Variants in SERGEF observed in about 807,000 individuals in gnomAD.
The protein encoded by SERGEF is secretion regulating guanine nucleotide exchange factor, also known as secretion-regulating guanine nucleotide exchange factor.
Under a neutral mutation model 50.0 loss-of-function variants are expected in SERGEF, and 51 were observed. The observed-to-expected ratio is 1.02, with a 90% CI of 0.81 to 1.29. The LOEUF is 1.29. Among genes scored for constraint, SERGEF ranks in the 50% most tolerant of loss-of-function variants. The pLI, the probability that SERGEF is intolerant of heterozygous loss-of-function variation, is 0.00. For synonymous variants in SERGEF, 205 were observed against 212.4 expected (o/e 0.97, Z 0.30); for missense variants, 521 against 557.0 (o/e 0.94, Z 0.65).
At chr11:17,927,815 T>C (rs892977355) in intron 9 of SERGEF, among the ~76,000 whole-genome samples, 4 of 152,210 alleles carry the variant, frequency 2.6e-5, no homozygotes, top group African/African-American at 9.6e-5. Flanking sequence ...TGCACACACA[T>C]TGAAATTTGA....
rs2237922 is a variant in SERGEF, at chr11:17,915,909, G to A, written c.1012-37665C>T. Among the ~76,000 whole-genome samples, 1,227 of 152,370 alleles carry A rather than the reference G, an allele frequency of 8.1e-3. 92 individuals are homozygous for A. In the East Asian group the frequency reaches 0.18, roughly 22 times the overall value. The stretch of plus-strand genomic sequence containing the variant: ...AGCCAGTGGCTGGAAAACCAGGGAG[G>A]AGCTAAAGAGTCTGGCCAGGTGAGG... On this transcript the variant is annotated intron_variant, in intron 9 of 10. Coordinates refer to ENST00000265965, the MANE Select transcript of SERGEF (RefSeq NM_012139.4).
intron 10 of SERGEF, among the ~76,000 whole-genome samples, chr11:17,827,330 G>A (rs868818829): frequency 6.6e-6 from 1 of 152,168 alleles, no homozygotes; most frequent in Non-Finnish European, 1.5e-5. Context: ...TGGCTGGGGA[G>A]GGAGCCATCA....
At chr11:17,788,517 G>C (rs1207811383) in intron 10 of SERGEF, 104 bp from the exon 11 acceptor site, 2 of 971,328 alleles carry the variant, frequency 2.1e-6, no homozygotes, top group Non-Finnish European at 2.9e-6. Flanking sequence ...GTTCACTCAG[G>C]AAGACGCCAA....
Position 17,884,136 on chromosome 11 carries a change from G to A in SERGEF, c.1012-5892C>T, listed in dbSNP as rs1264631973. The stretch of plus-strand genomic sequence containing the variant: ...ACCCAGGGTGCCAGATGGACAGCGA[G>A]GCCTGCTGATTGGTTCTCGCCGGGT... On this transcript the variant is annotated intron_variant, in intron 9 of 10. Coordinates refer to ENST00000265965, the MANE Select transcript of SERGEF (RefSeq NM_012139.4). This position sits in a 1 kb window ranked among gnomAD's most constrained non-coding sequence, Gnocchi z 4.6. Among the ~76,000 whole-genome samples the A allele has an allele frequency of 1.3e-5, 2 of 152,216 alleles. No homozygotes were observed. The highest frequency in any genetic ancestry group is 2.9e-5 in the Non-Finnish European group (2 of 68,040).
Position 17,788,213 on chromosome 11 carries a change from G to C in SERGEF, c.1249C>G (p.Leu417Val). The C allele has an allele frequency of 6.2e-7, 1 of 1,611,312 alleles. No individual in the cohort carries two copies. Among genetic ancestry groups the C allele is most frequent in the Non-Finnish European group, 8.5e-7 (1 of 1,177,712 alleles). The change falls in exon 11 of 11, where the codon CTT becomes GTT. Residue 417 changes from leucine (L) to valine (V), a missense_variant. Coordinates refer to ENST00000265965, the MANE Select transcript of SERGEF (RefSeq NM_012139.4). Reference sequence around the variant, plus strand: ...GTGTCCTCGATGGCATCTGGGGAAAGGTAGGTGACCTTGGGGTCCTGGACC... The same window carrying C: ...GTGTCCTCGATGGCATCTGGGGAAACGTAGGTGACCTTGGGGTCCTGGACC... ...ALVQDPKVTY[L>V]SPDAIEDTES...
chr11:17,847,530 A>G (rs184092523), intron 10 of SERGEF, among the ~76,000 whole-genome samples: 342 of 152,340 alleles, frequency 2.2e-3, no homozygotes, highest in Non-Finnish European at 3.9e-3. Flanking sequence ...ACCTTAAAGT[A>G]TGATTGTATA....
At chr11:17,791,198 C>A (rs1414259847) in intron 10 of SERGEF, among the ~76,000 whole-genome samples, 1 of 152,156 alleles carries the variant, frequency 6.6e-6, no homozygotes, top group Non-Finnish European at 1.5e-5. Flanking sequence ...TCCAATTTGT[C>A]ATTATTTTAT....
At chr11:17,836,420 T>C (rs1850398772) in intron 10 of SERGEF, among the ~76,000 whole-genome samples, 1 of 152,192 alleles carries the variant, frequency 6.6e-6, no homozygotes, top group Admixed American at 6.5e-5. Flanking sequence ...CATGAGAATA[T>C]TTCTGAGGCT....
intron 8 of SERGEF, among the ~76,000 whole-genome samples, chr11:17,976,012 C>T (rs1421821426): frequency 6.6e-6 from 1 of 152,192 alleles, no homozygotes; most frequent in South Asian, 2.1e-4. Flanking sequence ...ATATAAGACA[C>T]CCCTGTGAAG....
intron 10 of SERGEF, among the ~76,000 whole-genome samples, chr11:17,795,968 G>T (rs1249379122): frequency 1.3e-5 from 2 of 152,176 alleles, no homozygotes; most frequent in Non-Finnish European, 2.9e-5. Context: ...GCCCCCTTCA[G>T]ACTAGGATCC....
chr11:17,839,761 T>C (rs1246892599), intron 10 of SERGEF, among the ~76,000 whole-genome samples: 1 of 152,074 alleles, frequency 6.6e-6, no homozygotes, highest in Non-Finnish European at 1.5e-5. Context: ...CCACCTCACA[T>C]CCTGAGGTGT....
intron 10 of SERGEF, among the ~76,000 whole-genome samples, chr11:17,867,678 A>G (rs1851057890): frequency 6.6e-6 from 1 of 152,238 alleles, no homozygotes; most frequent in Non-Finnish European, 1.5e-5. Flanking sequence ...CTGCTCTAGC[A>G]GAAGTTCTCC....
intron 9 of SERGEF, among the ~76,000 whole-genome samples, chr11:17,934,292 G>A (rs535778514): frequency 2.0e-5 from 3 of 152,150 alleles, no homozygotes; most frequent in African/African-American, 4.8e-5. Flanking sequence ...GCTTGCAATC[G>A]CTCTCAATTA....
At chr11:17,871,453 T>G (rs1231771083) in intron 10 of SERGEF, among the ~76,000 whole-genome samples, 1 of 94,782 alleles carries the variant, frequency 1.1e-5, no homozygotes, top group Non-Finnish European at 1.9e-5. Flanking sequence ...AGAGCGAGAC[T>G]CCATCTCAAA....
chr11:17,809,828 A>G (rs1849834950), intron 10 of SERGEF, among the ~76,000 whole-genome samples: 1 of 152,206 alleles, frequency 6.6e-6, no homozygotes, highest in Admixed American at 6.5e-5. Flanking sequence ...CTTGATTCAC[A>G]GTCCTGGTAG....
intron 9 of SERGEF, among the ~76,000 whole-genome samples, chr11:17,885,755 T>C (rs1480835583): frequency 6.6e-6 from 1 of 152,102 alleles, no homozygotes; most frequent in Non-Finnish European, 1.5e-5. Flanking sequence ...CTTTTCTGTC[T>C]CTGGAAAAAT....
At chr11:17,923,118 T>C (rs999684764) in intron 9 of SERGEF, among the ~76,000 whole-genome samples, 1 of 152,136 alleles carries the variant, frequency 6.6e-6, no homozygotes, top group Non-Finnish European at 1.5e-5. Context: ...ATCTATGAGG[T>C]CTGCCTGTTT....
chr11:17,913,369 T>C (rs779791930), intron 9 of SERGEF, among the ~76,000 whole-genome samples: 4 of 152,212 alleles, frequency 2.6e-5, no homozygotes, highest in African/African-American at 7.2e-5. Context: ...AAATACACCC[T>C]TGGGCCCCTG....
At chr11:17,946,871 A>T (rs1462258346) in intron 9 of SERGEF, among the ~76,000 whole-genome samples, 2 of 152,188 alleles carry the variant, frequency 1.3e-5, no homozygotes, top group African/African-American at 2.4e-5. Flanking sequence ...CAACCAATAC[A>T]GCTATCTCAT....
Sources: gnomAD v4.1 joint callset for allele counts (sites outside exome capture counted in the v4.1 genomes callset) on GRCh38, gnomAD v4.1.1 for gene constraint, Gnocchi (gnomAD v3.1) non-coding constraint, MANE v1.5 for transcripts, NCBI Gene and HGNC (gene_info 2026-07-23, HGNC 2026-07-21) for gene names.